Variants in LRP1B observed in about 807,000 individuals in gnomAD.
LRP1B encodes low-density lipoprotein receptor-related protein 1B.
Under a neutral mutation model 556.6 loss-of-function variants are expected in LRP1B, and 217 were observed. The ratio of observed to expected loss-of-function variants is 0.39; its 90% CI spans 0.35 to 0.44. LRP1B has a LOEUF of 0.44. Among genes scored for constraint, LRP1B ranks in the 20% least tolerant of loss-of-function variants. LRP1B has a pLI of 1.00. For missense variants in LRP1B, 5,053 were observed against 5,620.8 expected, an observed-to-expected ratio of 0.90 and a Z score of 3.23; for synonymous variants, 2,047 against 1,865.8, an observed-to-expected ratio of 1.10 and a Z score of -2.50.
intron 23 of LRP1B, among the ~76,000 whole-genome samples, chr2:140,895,503 C>T (rs1333062144): frequency 8.2e-6 from 1 of 122,494 alleles, no homozygotes; most frequent in African/African-American, 4.0e-5. Context: ...CTTCAGGTCA[C>T]CTCACCGGCA....
intron 20 of LRP1B, among the ~76,000 whole-genome samples, chr2:140,939,774 T>C (rs1460154666): frequency 6.6e-6 from 1 of 151,448 alleles, no homozygotes; most frequent in Non-Finnish European, 1.5e-5. Flanking sequence ...ATCCAAACAT[T>C]TAAGGAATAT....
At chr2:140,334,864 A>T (rs2105084297) in intron 78 of LRP1B, among the ~76,000 whole-genome samples, 1 of 152,166 alleles carries the variant, frequency 6.6e-6, no homozygotes, top group East Asian at 1.9e-4. Context: ...CAGAGAAAAA[A>T]TATTTCCACC....
At chr2:141,606,977 T>C (rs1199346710) in intron 2 of LRP1B, among the ~76,000 whole-genome samples, 2 of 152,072 alleles carry the variant, frequency 1.3e-5, no homozygotes, top group Non-Finnish European at 2.9e-5. Flanking sequence ...CCCTTATCCC[T>C]TTCCTCCCTC....
intron 35 of LRP1B, among the ~76,000 whole-genome samples, chr2:140,742,899 A>G (rs1241664632): frequency 1.3e-5 from 2 of 152,146 alleles, no homozygotes; most frequent in African/African-American, 4.8e-5. Flanking sequence ...TGGTAAGAAA[A>G]TTTGCATTGT....
intron 2 of LRP1B, among the ~76,000 whole-genome samples, chr2:141,808,697 AC>A (rs1696240170): frequency 6.6e-6 from 1 of 151,840 alleles, no homozygotes; most frequent in African/African-American, 2.4e-5. Context: ...ATTTTTATAA[AC>A]CCCCAAAAGA....
intron 2 of LRP1B, among the ~76,000 whole-genome samples, chr2:141,488,726 G>A (rs886531328): frequency 6.6e-6 from 1 of 151,746 alleles, no homozygotes; most frequent in African/African-American, 2.4e-5. Context: ...GTCAGTGCTG[G>A]GAATTACAAG....
rs1703020442 is a variant in LRP1B at position 142,013,510 on chromosome 2, CA to C, written c.82+117137del. On this transcript the variant is annotated intron_variant, in intron 1 of 90. Coordinates refer to ENST00000389484, the MANE Select transcript of LRP1B (RefSeq NM_018557.3). ...GAACTATATAAGTATTAAGTATGCA[CA>C]GAATAAAATATTTACAGAATCCTTC... is the stretch of plus-strand genomic sequence containing the variant. Among the ~76,000 whole-genome samples, 3 of 151,444 alleles carry C rather than the reference CA, an allele frequency of 2.0e-5. No homozygotes were observed. In the South Asian group the frequency reaches 6.2e-4, roughly 31 times the overall value.
chr2:142,045,654 T>G (rs941482300), intron 1 of LRP1B, among the ~76,000 whole-genome samples: 9 of 151,924 alleles, frequency 5.9e-5, no homozygotes, highest in African/African-American at 2.2e-4. Flanking sequence ...ATCTAATATA[T>G]TTAATCGGTC....
intron 2 of LRP1B, among the ~76,000 whole-genome samples, chr2:141,751,085 A>G (rs917530786): frequency 1.3e-5 from 2 of 152,058 alleles, no homozygotes; most frequent in Non-Finnish European, 2.9e-5. Flanking sequence ...CTGCAGAGAA[A>G]AAAAAGCTTT....
intron 3 of LRP1B, among the ~76,000 whole-genome samples, chr2:141,472,065 A>G (rs73963101): frequency 0.026 from 3,935 of 152,240 alleles, 178 homozygotes; most frequent in African/African-American, 0.09. Context: ...GTGATTTCAC[A>G]CAAGACTTCC....
intron 37 of LRP1B, among the ~76,000 whole-genome samples, chr2:140,705,026 G>A (rs1418458576): frequency 6.6e-6 from 1 of 152,076 alleles, no homozygotes; most frequent in Non-Finnish European, 1.5e-5. Flanking sequence ...TGACTAGGAA[G>A]TAAATGATCC....
At position 140,356,325 on chromosome 2, in the gene LRP1B, G is replaced by T. The variant is rs1216823548; in HGVS notation, c.11530+17C>A. 2.5e-6 allele frequency: 4 copies of T among 1,608,648 alleles called. No individual in the cohort carries two copies. Among genetic ancestry groups the T allele is most frequent in the Non-Finnish European group, 3.4e-6 (4 of 1,176,600 alleles). ...CCCAAAGATTTATGAGCAAACTGTT[G>T]AAGAAAAGTACTCTACCTTCACATT... On this transcript the variant is annotated intron_variant, in intron 75 of 90. Coordinates refer to ENST00000389484, the MANE Select transcript of LRP1B (RefSeq NM_018557.3).
intron 8 of LRP1B, among the ~76,000 whole-genome samples, chr2:141,061,338 A>G (rs1281074222): frequency 6.6e-6 from 1 of 151,842 alleles, no homozygotes; most frequent in African/African-American, 2.4e-5. Context: ...AAAGAGATTC[A>G]CATATTTCAG....
At chr2:141,646,466 G>C (rs1689568340) in intron 2 of LRP1B, among the ~76,000 whole-genome samples, 1 of 152,116 alleles carries the variant, frequency 6.6e-6, no homozygotes. Context: ...GCTGTGCTAT[G>C]TGATATGAAA....
At chr2:140,941,260 G>A (rs1441854073) in intron 20 of LRP1B, among the ~76,000 whole-genome samples, 1 of 152,090 alleles carries the variant, frequency 6.6e-6, no homozygotes, top group Non-Finnish European at 1.5e-5. Context: ...GTAAAGAGGA[G>A]AACAAGACAT....
intron 66 of LRP1B, among the ~76,000 whole-genome samples, chr2:140,405,321 C>G (rs1447540424): frequency 1.3e-5 from 2 of 152,000 alleles, no homozygotes; most frequent in African/African-American, 4.8e-5. Flanking sequence ...GAAACAGGCA[C>G]TAACTAAACC....
At chr2:141,520,863 A>G (rs1396479173) in intron 2 of LRP1B, among the ~76,000 whole-genome samples, 1 of 151,998 alleles carries the variant, frequency 6.6e-6, no homozygotes, top group Non-Finnish European at 1.5e-5. Context: ...ATAAGAAAAA[A>G]GCAGGTCAGT....
intron 1 of LRP1B, among the ~76,000 whole-genome samples, chr2:142,083,024 C>T (rs1296189053): frequency 1.3e-5 from 2 of 152,052 alleles, no homozygotes; most frequent in Non-Finnish European, 2.9e-5. Flanking sequence ...TACAGATTCT[C>T]AGAGAAAAGA....
At chr2:141,141,575 C>T (rs533819624) in intron 7 of LRP1B, among the ~76,000 whole-genome samples, 7 of 152,200 alleles carry the variant, frequency 4.6e-5, no homozygotes, top group East Asian at 1.9e-4. Context: ...TTATCATCAA[C>T]GATGATTGTG....
Sources: allele counts gnomAD v4.1 joint callset (sites outside exome capture counted in the v4.1 genomes callset), GRCh38; gene constraint gnomAD v4.1.1; transcripts MANE v1.5; gene names NCBI Gene and HGNC (gene_info 2026-07-23, HGNC 2026-07-21).